Variants in RABGAP1L observed in about 807,000 individuals in gnomAD.
RABGAP1L encodes the protein RAB GTPase activating protein 1 like.
A neutral mutation model predicts 137.7 loss-of-function variants in RABGAP1L; 63 were observed. That is an observed-to-expected ratio of 0.46 (90% CI 0.37 to 0.56). The LOEUF (loss-of-function observed/expected upper bound fraction) is 0.56, where lower values mean the gene tolerates loss of function less well. Ranked by LOEUF, RABGAP1L falls within the 20% of genes least tolerant of loss-of-function variation. RABGAP1L has a pLI of 0.00. For missense variants in RABGAP1L, 1,095 were observed against 1,244.0 expected (o/e 0.88, Z 1.80); for synonymous variants, 431 against 433.7 (o/e 0.99, Z 0.08).
intron 12 of RABGAP1L, among the ~76,000 whole-genome samples, chr1:174,390,014 A>G (rs1466072940): frequency 6.6e-6 from 1 of 152,230 alleles, no homozygotes. Flanking sequence ...CATTTTAATC[A>G]GAAATATTGA....
intron 1 of RABGAP1L, among the ~76,000 whole-genome samples, chr1:174,161,705 AGT>A (rs1484774044): frequency 6.6e-5 from 10 of 152,094 alleles, no homozygotes; most frequent in African/African-American, 2.4e-4. Context: ...AACCTAAAAA[AGT>A]GTGACTGTAA....
At chr1:174,205,288 G>C (rs1047481863) in intron 1 of RABGAP1L, among the ~76,000 whole-genome samples, 1 of 151,596 alleles carries the variant, frequency 6.6e-6, no homozygotes, top group African/African-American at 2.4e-5. Flanking sequence ...TATCAGGATG[G>C]TGCTGGCCTC....
chr1:174,732,889 A>G (rs1263063566), intron 17 of RABGAP1L, among the ~76,000 whole-genome samples: 1 of 152,186 alleles, frequency 6.6e-6, no homozygotes, highest in Non-Finnish European at 1.5e-5. Flanking sequence ...TGGTCTATTT[A>G]ATAAACTGTT....
At chr1:174,653,972 G>T (rs1675769019) in intron 14 of RABGAP1L, among the ~76,000 whole-genome samples, 1 of 152,198 alleles carries the variant, frequency 6.6e-6, no homozygotes, top group Non-Finnish European at 1.5e-5. Context: ...AATGTATTAT[G>T]GGAAATGGTT....
At chr1:174,175,492 CTTTT>C (rs771691150) in intron 1 of RABGAP1L, among the ~76,000 whole-genome samples, 4 of 137,184 alleles carry the variant, frequency 2.9e-5, no homozygotes, top group Non-Finnish European at 6.4e-5. Context: ...TTTCTTTTTT[CTTTT>C]TTTTTTTTTT....
intron 13 of RABGAP1L, among the ~76,000 whole-genome samples, chr1:174,453,412 C>G (rs1335324411): frequency 6.6e-6 from 1 of 152,150 alleles, no homozygotes; most frequent in Non-Finnish European, 1.5e-5. Flanking sequence ...AGGACCTTTC[C>G]TCTTTTTCTC....
Position 174,588,525 on chromosome 1 carries a change from T to C in RABGAP1L, c.1711-48850T>C, listed in dbSNP as rs1295136143. 2.0e-5 allele frequency among the ~76,000 whole-genome samples: 3 copies of C among 152,214 alleles called. No individual in the cohort carries two copies. In the East Asian group the frequency reaches 5.8e-4, roughly 29 times the overall value. On this transcript the variant is annotated intron_variant, in intron 13 of 25. Transcript: ENST00000681986. The stretch of plus-strand genomic sequence containing the variant: ...GTTGACTGTAGTCACTTTGTTTTCC[T>C]GTCAAATAATAGATCTTATTCATTC...
intron 12 of RABGAP1L, among the ~76,000 whole-genome samples, chr1:174,377,675 G>A (rs1057085603): frequency 1.3e-5 from 2 of 151,496 alleles, no homozygotes; most frequent in South Asian, 2.1e-4. Flanking sequence ...TACCCACTAC[G>A]ATGTCAATCA....
chr1:174,447,988 CAG>C, intron 13 of RABGAP1L: 1 of 701,916 alleles, frequency 1.4e-6, no homozygotes, highest in South Asian at 1.8e-5. Context: ...TCAGCTGTGA[CAG>C]AAGCACTGAC....
chr1:174,770,751 C>T (rs543157760), intron 18 of RABGAP1L, among the ~76,000 whole-genome samples: 1 of 152,280 alleles, frequency 6.6e-6, no homozygotes, highest in East Asian at 1.9e-4. Flanking sequence ...CTGTTCTGCC[C>T]CCATTCCAAG....
At chr1:174,868,962 G>A (rs947570640) in intron 19 of RABGAP1L, among the ~76,000 whole-genome samples, 1 of 151,514 alleles carries the variant, frequency 6.6e-6, no homozygotes, top group Non-Finnish European at 1.5e-5. Context: ...GTATGACACT[G>A]TTATTCATCT....
At chr1:174,350,423 C>G (rs1383438258) in intron 11 of RABGAP1L, among the ~76,000 whole-genome samples, 119 of 91,554 alleles carry the variant, frequency 1.3e-3, no homozygotes, top group South Asian at 5.7e-3. Flanking sequence ...GGGTCTCGGC[C>G]GGGCAGAGGC....
chr1:174,660,128 A>C (rs1676266153), intron 14 of RABGAP1L, among the ~76,000 whole-genome samples: 1 of 152,206 alleles, frequency 6.6e-6, no homozygotes, highest in Non-Finnish European at 1.5e-5. Flanking sequence ...GCAGGGAATG[A>C]TCTGTATACA....
At chr1:174,409,298 G>A (rs1269892031) in intron 13 of RABGAP1L, among the ~76,000 whole-genome samples, 1 of 152,106 alleles carries the variant, frequency 6.6e-6, no homozygotes, top group Non-Finnish European at 1.5e-5. Context: ...CATAAATTGT[G>A]AAGATTTCAT....
chr1:174,634,177 C>G (rs1673714705), intron 13 of RABGAP1L, among the ~76,000 whole-genome samples: 2 of 137,682 alleles, frequency 1.5e-5, no homozygotes, highest in African/African-American at 5.9e-5. Flanking sequence ...TGAACTCAAA[C>G]AAATTTACAA....
intron 13 of RABGAP1L, among the ~76,000 whole-genome samples, chr1:174,620,656 G>A (rs1011422272): frequency 1.3e-5 from 2 of 151,982 alleles, no homozygotes; most frequent in Non-Finnish European, 2.9e-5. Flanking sequence ...GAAATTTATG[G>A]CACTAAATAC....
In RABGAP1L at chr1:174,479,995, A is replaced by G. The variant is rs184527720; in HGVS notation, c.1710+85850A>G. The stretch of plus-strand genomic sequence containing the variant: ...CATATAAAATACAGAGTTGGTTCTC[A>G]TGTTTTTTGTTGAAGGGAATTCGGA... On this transcript the variant is annotated intron_variant, in intron 13 of 25. Coordinates refer to ENST00000681986, the MANE Select transcript of RABGAP1L (RefSeq NM_001366446.1). Among the ~76,000 whole-genome samples, 201 of 152,248 alleles carry G rather than the reference A, an allele frequency of 1.3e-3. 1 individual carries two copies. The highest frequency in any genetic ancestry group is 4.8e-3 in the African/African-American group (198 of 41,554).
intron 7 of RABGAP1L, among the ~76,000 whole-genome samples, chr1:174,264,871 A>G (rs1046870668): frequency 6.6e-6 from 1 of 152,184 alleles, no homozygotes; most frequent in Non-Finnish European, 1.5e-5. Context: ...ATCGAGAGAA[A>G]AAGAAATAGG....
chr1:174,797,016 A>T (rs1398500949), intron 18 of RABGAP1L, among the ~76,000 whole-genome samples: 3 of 152,194 alleles, frequency 2.0e-5, no homozygotes, highest in Non-Finnish European at 4.4e-5. Flanking sequence ...CAAAAAAAAA[A>T]AATCATATTT....
Sources: allele counts gnomAD v4.1 joint callset (sites outside exome capture counted in the v4.1 genomes callset), GRCh38; gene constraint gnomAD v4.1.1; transcripts MANE v1.5; gene names NCBI Gene and HGNC (gene_info 2026-07-23, HGNC 2026-07-21).